The following MARK1 variants were observed in gnomAD, a reference collection of about 807,000 sequenced individuals.
MARK1 encodes the protein serine/threonine-protein kinase MARK1.
In MARK1, 40 loss-of-function variants were observed where a neutral mutation model predicts 96.3. That is an observed-to-expected ratio of 0.42 (90% CI 0.32 to 0.54). The LOEUF is 0.54. Among genes scored for constraint, MARK1 ranks in the 20% least tolerant of loss-of-function variants. MARK1 has a pLI of 0.16. For synonymous variants in MARK1, 317 were observed against 341.2 expected (o/e 0.93, Z 0.78); for missense variants, 719 against 984.6 (o/e 0.73, Z 3.61).
At chr1:220,611,828 G>A (rs1458834810) in intron 6 of MARK1, among the ~76,000 whole-genome samples, 2 of 152,082 alleles carry the variant, frequency 1.3e-5, no homozygotes. Flanking sequence ...CGCCTCCTGG[G>A]TTCAAGCGAT....
At chr1:220,661,329 G>T (rs1176159930) in intron 17 of MARK1, among the ~76,000 whole-genome samples, 1 of 152,114 alleles carries the variant, frequency 6.6e-6, no homozygotes, top group East Asian at 1.9e-4. Context: ...TTACCTAATT[G>T]CAGTACAACA....
In MARK1 at chr1:220,618,940, TA is replaced by T. The variant is rs1462986708; in HGVS notation, c.909+190del. On this transcript the variant is annotated intron_variant, in intron 9 of 17. Transcript: ENST00000366917. The surrounding 1 kb of genome is among the most constrained non-coding windows in gnomAD (Gnocchi z 4.6). ...CAAAAGTTGCCACAGTAGCTGTCTC[TA>T]AAAACTATTATTTCCTCTTTGTTCT... Among the ~76,000 whole-genome samples, 1 of 152,202 alleles carries T rather than the reference TA, an allele frequency of 6.6e-6. No homozygotes were observed.
At chr1:220,602,811 AAT>A (rs1665832620) in intron 5 of MARK1, among the ~76,000 whole-genome samples, 3 of 152,136 alleles carry the variant, frequency 2.0e-5, no homozygotes, top group East Asian at 1.9e-4. Context: ...TTTGATTTTT[AAT>A]ATTTTATTTA....
At chr1:220,632,458 T>C (rs1425437522) in intron 11 of MARK1, 145 bp downstream of exon 11, 2 of 441,516 alleles carry the variant, frequency 4.5e-6, no homozygotes, top group East Asian at 7.2e-5. Context: ...AGATGTTAAA[T>C]TATGAACTGG....
chr1:220,546,873 G>A (rs1661528987), intron 1 of MARK1, among the ~76,000 whole-genome samples: 1 of 151,966 alleles, frequency 6.6e-6, no homozygotes, highest in Admixed American at 6.5e-5. Context: ...TCGGGAGGCT[G>A]AGGCAGGAGA....
chr1:220,602,346 A>G lies in MARK1; in HGVS notation c.425-1721A>G, dbSNP rs76958764. On this transcript the variant is annotated intron_variant, in intron 5 of 17. Transcript: ENST00000366917. ...TTTTGTTCTTTCAAACAACATTTAT[A>G]AAATGCTTACCATGTGTCAGGTAAT... 6.9e-3 allele frequency among the ~76,000 whole-genome samples: 1,049 copies of G among 152,330 alleles called. 17 individuals are homozygous for G. Among genetic ancestry groups the G allele is most frequent in the African/African-American group, 0.022 (916 of 41,580 alleles).
intron 9 of MARK1, among the ~76,000 whole-genome samples, chr1:220,621,250 C>T (rs1667037030): frequency 6.6e-6 from 1 of 151,988 alleles, no homozygotes; most frequent in African/African-American, 2.4e-5. Flanking sequence ...CTATTCCCTG[C>T]TTATTGCACA....
intron 9 of MARK1, chr1:220,626,934 A>G (rs1257161417): frequency 2.0e-6 from 1 of 494,558 alleles, no homozygotes; most frequent in Non-Finnish European, 4.0e-6. Context: ...AATGTTGCCT[A>G]GTGCTGGACA....
intron 7 of MARK1, among the ~76,000 whole-genome samples, chr1:220,617,742 AG>A (rs1381349526): frequency 1.3e-5 from 2 of 152,190 alleles, no homozygotes; most frequent in African/African-American, 4.8e-5. Flanking sequence ...GATATAATGG[AG>A]GCTGTATTTT....
chr1:220,635,733 C>A, intron 12 of MARK1, 100 bp from the exon 13 acceptor site: 1 of 1,189,616 alleles, frequency 8.4e-7, no homozygotes, highest in Non-Finnish European at 1.2e-6. Flanking sequence ...GAGTTTAAAG[C>A]ATGCAAATAT....
intron 17 of MARK1, among the ~76,000 whole-genome samples, chr1:220,660,917 T>C (rs1033214689): frequency 2.6e-5 from 4 of 152,100 alleles, no homozygotes; most frequent in African/African-American, 7.2e-5. Context: ...AACAAATGGG[T>C]TAAATAATAT....
At chr1:220,564,500 G>A (rs1322414085) in intron 1 of MARK1, among the ~76,000 whole-genome samples, 1 of 152,090 alleles carries the variant, frequency 6.6e-6, no homozygotes, top group East Asian at 1.9e-4. Flanking sequence ...AAAACCAGAT[G>A]TATATGCAAA....
At chr1:220,538,587 G>GT (rs1357545817) in intron 1 of MARK1, among the ~76,000 whole-genome samples, 6 of 151,656 alleles carry the variant, frequency 4.0e-5, no homozygotes, top group Admixed American at 2.6e-4. Flanking sequence ...CTTTAAAGTA[G>GT]TTTTTTCCAA....
chr1:220,634,234 T>C (rs947037211), intron 11 of MARK1, among the ~76,000 whole-genome samples: 6 of 152,222 alleles, frequency 3.9e-5, no homozygotes, highest in African/African-American at 9.7e-5. Flanking sequence ...TTCCTGTTAA[T>C]TTAAATATAA....
intron 6 of MARK1, 89 bp from the exon 7 acceptor site, chr1:220,615,850 A>G (rs1204310826): frequency 2.9e-6 from 2 of 694,832 alleles, no homozygotes; most frequent in Non-Finnish European, 2.5e-6. Context: ...TGAAATCCGA[A>G]TTAGTAATTT....
chr1:220,660,485 T>C (rs901511462), intron 17 of MARK1, among the ~76,000 whole-genome samples: 1 of 152,118 alleles, frequency 6.6e-6, no homozygotes, highest in Non-Finnish European at 1.5e-5. Context: ...ATACAAAATG[T>C]ATATATATTA....
intron 9 of MARK1, chr1:220,626,195 A>G (rs953249959): frequency 1.6e-5 from 9 of 569,502 alleles, no homozygotes; most frequent in African/African-American, 3.8e-5. Flanking sequence ...TATTACATCA[A>G]TGACATTGTC....
At chr1:220,619,671 A>G (rs1287478988) in intron 9 of MARK1, among the ~76,000 whole-genome samples, 2 of 152,198 alleles carry the variant, frequency 1.3e-5, no homozygotes, top group Admixed American at 6.5e-5. Context: ...TGTTACAGCC[A>G]AGCAAGTTCA....
chr1:220,618,872 TTTG>T lies in MARK1; in HGVS notation c.909+120_909+122del. 1 of 891,654 alleles carries T rather than the reference TTTG, an allele frequency of 1.1e-6. No individual in the cohort carries two copies. The highest frequency in any genetic ancestry group is 1.7e-5 in the African/African-American group (1 of 58,320). 55.2% of individuals were successfully genotyped at this position (891,654 alleles called of 1,614,324 possible). ...AATTGCCAAATTATCTAATCTGCCT[TTTG>T]TTTGTAGGTAGGGAAAATTACATGA... is the stretch of plus-strand genomic sequence containing the variant. On this transcript the variant is annotated intron_variant, in intron 9 of 17. Coordinates refer to ENST00000366917, the MANE Select transcript of MARK1 (RefSeq NM_018650.5). This position sits in a 1 kb window ranked among gnomAD's most constrained non-coding sequence, Gnocchi z 4.6.
Sources: gnomAD v4.1 joint callset for allele counts (sites outside exome capture counted in the v4.1 genomes callset) on GRCh38, gnomAD v4.1.1 for gene constraint, Gnocchi (gnomAD v3.1) non-coding constraint, MANE v1.5 for transcripts, NCBI Gene and HGNC (gene_info 2026-07-23, HGNC 2026-07-21) for gene names.